The following CAPRIN1 variants were observed in gnomAD, a reference collection of about 807,000 sequenced individuals.
CAPRIN1 encodes caprin-1.
A neutral mutation model predicts 100.9 loss-of-function variants in CAPRIN1; 29 were observed. The observed-to-expected ratio is 0.29, with a 90% CI of 0.21 to 0.39. The LOEUF (loss-of-function observed/expected upper bound fraction) is 0.39. Among genes scored for constraint, CAPRIN1 ranks in the 10% least tolerant of loss-of-function variants. The pLI is 1.00. For missense variants in CAPRIN1, 795 were observed against 876.7 expected, an observed-to-expected ratio of 0.91 and a Z score of 1.18; for synonymous variants, 338 against 307.5, an observed-to-expected ratio of 1.10 and a Z score of -1.04.
At chr11:34,057,638 T>C (rs1284572074) in intron 2 of CAPRIN1, among the ~76,000 whole-genome samples, 1 of 152,228 alleles carries the variant, frequency 6.6e-6, no homozygotes, top group Non-Finnish European at 1.5e-5. Context: ...TTTGCAATAC[T>C]TTTGCAAAAG....
At position 34,067,352 on chromosome 11, in the gene CAPRIN1, A is replaced by G. The variant is rs1048437612; in HGVS notation, c.217-4374A>G. Among the ~76,000 whole-genome samples, 5 of 152,188 alleles carry G rather than the reference A, an allele frequency of 3.3e-5. No homozygotes were observed. The East Asian group carries it at 7.7e-4, about 23-fold the overall frequency. On this transcript the variant is annotated intron_variant, in intron 2 of 18. Coordinates refer to ENST00000341394, the MANE Select transcript of CAPRIN1 (RefSeq NM_005898.5). The stretch of plus-strand genomic sequence containing the variant: ...TTGAGATTGTTGAGTTATGATTTAC[A>G]TACTTATTTCCTTACAGTAAACTCA...
In CAPRIN1 at chr11:34,089,440, A is replaced by AACC; in HGVS notation, c.1279_1281dup (p.Pro427dup). The AACC allele has an allele frequency of 6.2e-7, 1 of 1,605,662 alleles. No homozygotes were observed. Among genetic ancestry groups the AACC allele is most frequent in the Non-Finnish European group, 8.5e-7 (1 of 1,173,096 alleles). ...GCTCAGCCTAATCAAGTTCCTGTAC[A>AACC]ACCAGAAGCGACACAGGTAAGAGTG... On this transcript the variant is annotated inframe_insertion, in exon 12 of 19. Coordinates refer to ENST00000341394, the MANE Select transcript of CAPRIN1 (RefSeq NM_005898.5).
At chr11:34,065,758 T>G (rs1051338303) in intron 2 of CAPRIN1, among the ~76,000 whole-genome samples, 1 of 152,240 alleles carries the variant, frequency 6.6e-6, no homozygotes, top group African/African-American at 2.4e-5. Context: ...GTTTTTATTG[T>G]CATCCTGCAG....
intron 2 of CAPRIN1, among the ~76,000 whole-genome samples, chr11:34,061,994 C>A (rs965068344): frequency 2.1e-5 from 3 of 144,172 alleles, no homozygotes; most frequent in Non-Finnish European, 4.5e-5. Context: ...AAAAGTATAT[C>A]CTTACCACCA....
chr11:34,091,720 G>GGGGA, intron 14 of CAPRIN1, 186 bp from the exon 15 acceptor site: 1 of 560,158 alleles, frequency 1.8e-6, no homozygotes. Context: ...AGTACTATAT[G>GGGGA]GTATATATGT....
chr11:34,086,198 G>C lies in CAPRIN1; in HGVS notation c.1101G>C (p.Gln367His). The C allele has an allele frequency of 6.2e-7, 1 of 1,614,056 alleles. No homozygotes were observed. Among genetic ancestry groups the C allele is most frequent in the Non-Finnish European group, 8.5e-7 (1 of 1,179,940 alleles). ...QRVQDLMAQMQGPYNFIQDSM... is the reference protein window; with the variant it reads ...QRVQDLMAQMHGPYNFIQDSM... The stretch of plus-strand genomic sequence containing the variant: ...TACAAGACCTTATGGCACAAATGCA[G>C]GGTCCCTATAATTTCATACAGGTAT... Residue 367 changes from glutamine to histidine, a missense_variant, in exon 10 of 19, where the codon CAG becomes CAC. By Grantham distance (24) the Gln-to-His change is conservative (BLOSUM62 0). Coordinates refer to ENST00000341394, the MANE Select transcript of CAPRIN1 (RefSeq NM_005898.5).
intron 9 of CAPRIN1, among the ~76,000 whole-genome samples, chr11:34,084,503 T>A (rs542554951): frequency 6.6e-6 from 1 of 152,354 alleles, no homozygotes; most frequent in South Asian, 2.1e-4. Context: ...TTCCTTGTTA[T>A]ACCAGGGGCA....
chr11:34,088,447 G>A (rs1851193339), intron 11 of CAPRIN1, among the ~76,000 whole-genome samples: 1 of 152,122 alleles, frequency 6.6e-6, no homozygotes, highest in Non-Finnish European at 1.5e-5. Context: ...GATCACTTGA[G>A]CCCAGGAGTT....
intron 9 of CAPRIN1, 91 bp from the exon 10 acceptor site, chr11:34,085,973 G>A: frequency 2.1e-6 from 2 of 970,246 alleles, no homozygotes; most frequent in East Asian, 4.8e-5. Flanking sequence ...TAGTATAGAT[G>A]GTTTATGTAG....
intron 11 of CAPRIN1, among the ~76,000 whole-genome samples, chr11:34,088,691 A>G (rs1412755652): frequency 2.6e-5 from 4 of 152,060 alleles, no homozygotes; most frequent in African/African-American, 9.7e-5. Flanking sequence ...CAAAAGGTCA[A>G]AATGGAATAC....
chr11:34,097,411 A>C, intron 17 of CAPRIN1, 115 bp downstream of exon 17: 1 of 867,442 alleles, frequency 1.2e-6, no homozygotes, highest in Non-Finnish European at 1.8e-6. Context: ...TGTGGTGTCC[A>C]AGACACTCTG....
At chr11:34,088,244 C>T (rs1004864764) in intron 11 of CAPRIN1, among the ~76,000 whole-genome samples, 11 of 152,118 alleles carry the variant, frequency 7.2e-5, no homozygotes, top group Admixed American at 7.2e-4. Flanking sequence ...ACCTCGTGAT[C>T]CACCCGCCTC....
rs761781767 is a variant in CAPRIN1, at chr11:34,083,044, A to G, written c.966+3A>G. ...AGTGGACAGTTGAAACGGTTGAGGTAAGAGTTCTCTGTATTGCAAAGTTGT... is the reference window on the plus strand; with the variant it reads ...AGTGGACAGTTGAAACGGTTGAGGTGAGAGTTCTCTGTATTGCAAAGTTGT... On this transcript the variant is annotated splice_donor_region_variant and intron_variant, in intron 9 of 18. Transcript: ENST00000341394. 3.1e-6 allele frequency: 5 copies of G among 1,605,764 alleles called. No homozygotes were observed. The highest frequency in any genetic ancestry group is 1.3e-5 in the African/African-American group (1 of 74,758).
chr11:34,058,321 G>T (rs550536044), intron 2 of CAPRIN1, among the ~76,000 whole-genome samples: 1 of 152,210 alleles, frequency 6.6e-6, no homozygotes, highest in African/African-American at 2.4e-5. Flanking sequence ...ATTTTTAGTA[G>T]AGACGGGGTT....
intron 14 of CAPRIN1, 172 bp from the exon 15 acceptor site, chr11:34,091,734 T>C (rs1851269230): frequency 5.0e-6 from 3 of 601,788 alleles, no homozygotes; most frequent in Non-Finnish European, 2.9e-6. Flanking sequence ...TATATGTCTT[T>C]TTCCACATTG....
At chr11:34,056,482 T>G (rs1850454206) in intron 2 of CAPRIN1, 1 of 152,224 alleles carries the variant, frequency 6.6e-6, no homozygotes, top group Non-Finnish European at 1.5e-5. Context: ...GTTTTTAAAT[T>G]CAGGCTTATA....
Position 34,076,467 on chromosome 11 carries a change from A to G in CAPRIN1, c.598A>G (p.Ser200Gly). 6.2e-7 allele frequency: 1 copy of G among 1,613,136 alleles called. No homozygotes were observed. Residue 200 changes from serine to glycine, a missense_variant, in exon 5 of 19, where the codon AGC becomes GGC. Around this residue, in one of 3 missense-constraint regions of CAPRIN1, gnomAD observed 648 missense variants for 697.9 expected, o/e 0.93. Transcript: ENST00000341394. The part of the protein sequence containing the change: ...YKLVDPERDM[S>G]LRLNEQYEHA... Reference sequence around the variant, plus strand: ...GCTAGTAGACCCTGAACGGGACATGAGCTTGAGGTATTAGTGGTATTTGAT... The same window carrying G: ...GCTAGTAGACCCTGAACGGGACATGGGCTTGAGGTATTAGTGGTATTTGAT...
At chr11:34,089,712 C>G (rs926797579) in intron 12 of CAPRIN1, among the ~76,000 whole-genome samples, 2 of 152,162 alleles carry the variant, frequency 1.3e-5, no homozygotes, top group Non-Finnish European at 2.9e-5. Flanking sequence ...TCCAAGTCTT[C>G]TGTTGGAATT....
chr11:34,079,360 A>G (rs1850965504), intron 6 of CAPRIN1, among the ~76,000 whole-genome samples: 1 of 152,212 alleles, frequency 6.6e-6, no homozygotes, highest in African/African-American at 2.4e-5. Context: ...AGATAACGCC[A>G]CTGCACTCCA....
Sources: gnomAD v4.1 joint callset for allele counts (sites outside exome capture counted in the v4.1 genomes callset) on GRCh38, gnomAD v4.1.1 for gene constraint, gnomAD v4.1.1 regional missense constraint, MANE v1.5 for transcripts, NCBI Gene and HGNC (gene_info 2026-07-23, HGNC 2026-07-21) for gene names.